The following DAB1 variants were observed in gnomAD, a reference collection of about 807,000 sequenced individuals.
DAB1 encodes DAB adaptor protein 1.
DAB1 carries 15 observed loss-of-function variants against 64.6 expected under a neutral mutation model. The ratio of observed to expected loss-of-function variants is 0.23; its 90% confidence interval spans 0.16 to 0.36. The LOEUF (loss-of-function observed/expected upper bound fraction) is 0.36. DAB1 is among the 10% of genes least tolerant of loss of function. The probability of loss-of-function intolerance (pLI) is 1.00; values close to 1 mark genes in which losing one functional copy is unlikely to be tolerated. For synonymous variants in DAB1, 235 were observed against 251.9 expected, an observed-to-expected ratio of 0.93 and a Z score of 0.64; for missense variants, 596 against 706.7, an observed-to-expected ratio of 0.84 and a Z score of 1.78.
chr1:57,686,940 A>G (rs1353798407), intron 6 of DAB1, among the ~76,000 whole-genome samples: 2 of 152,196 alleles, frequency 1.3e-5, no homozygotes, highest in African/African-American at 4.8e-5. Context: ...CCAACATCAC[A>G]TTGAACAGGC....
intron 6 of DAB1, among the ~76,000 whole-genome samples, chr1:57,772,703 A>G (rs1453553992): frequency 1.3e-5 from 2 of 151,964 alleles, no homozygotes; most frequent in Non-Finnish European, 2.9e-5. Context: ...ATTTTTTTTT[A>G]AGCCTTGCCA....
intron 6 of DAB1, among the ~76,000 whole-genome samples, chr1:57,696,863 G>T (rs1328154990): frequency 2.0e-5 from 3 of 151,998 alleles, no homozygotes; most frequent in African/African-American, 7.3e-5. Flanking sequence ...CTAATTATCT[G>T]GCTAATTTAT....
chr1:57,211,257 A>G (rs1203401987), intron 2 of DAB1, among the ~76,000 whole-genome samples: 1 of 152,194 alleles, frequency 6.6e-6, no homozygotes, highest in East Asian at 1.9e-4. Flanking sequence ...TGGAGGAAAC[A>G]GCTGTAGCCT....
intron 4 of DAB1, among the ~76,000 whole-genome samples, chr1:58,322,778 G>A (rs528270823): frequency 2.0e-5 from 3 of 152,268 alleles, no homozygotes; most frequent in Admixed American, 6.5e-5. Context: ...CTATTGTAAA[G>A]ACACATGTAC....
chr1:58,483,723 A>G (rs1645527560), intron 3 of DAB1, among the ~76,000 whole-genome samples: 1 of 152,192 alleles, frequency 6.6e-6, no homozygotes, highest in Admixed American at 6.5e-5. Flanking sequence ...CCAAACTGGG[A>G]TACCTTTGAG....
At chr1:57,339,322 A>AT (rs1287006327) in intron 1 of DAB1, among the ~76,000 whole-genome samples, 2 of 151,786 alleles carry the variant, frequency 1.3e-5, no homozygotes, top group East Asian at 1.9e-4. Context: ...AGCCCAGCTA[A>AT]TTTTTTTGTA....
At chr1:57,235,003 A>G (rs559598373) in intron 2 of DAB1, among the ~76,000 whole-genome samples, 1 of 152,338 alleles carries the variant, frequency 6.6e-6, no homozygotes, top group Admixed American at 6.5e-5. Context: ...ACGTGATTAG[A>G]TTAAGACCAC....
At chr1:58,012,491 TA>T (rs59462839) in intron 5 of DAB1, among the ~76,000 whole-genome samples, 11 of 151,642 alleles carry the variant, frequency 7.3e-5, no homozygotes, top group South Asian at 2.1e-4. Flanking sequence ...GTATAATAAT[TA>T]AAAAAAAATT....
intron 6 of DAB1, among the ~76,000 whole-genome samples, chr1:57,731,815 T>TAA (rs930142715): frequency 8.3e-5 from 12 of 144,418 alleles, no homozygotes; most frequent in African/African-American, 2.9e-4. Flanking sequence ...AAAAAAAAAA[T>TAA]AATAATAATA....
At chr1:57,598,280 C>T (rs1016125431) in intron 7 of DAB1, among the ~76,000 whole-genome samples, 1 of 152,278 alleles carries the variant, frequency 6.6e-6, no homozygotes, top group African/African-American at 2.4e-5. Flanking sequence ...CGGCGCCCAG[C>T]CGGTATCCAC....
intron 5 of DAB1, among the ~76,000 whole-genome samples, chr1:57,928,969 G>C (rs1202779): frequency 6.6e-6 from 1 of 151,992 alleles, no homozygotes; most frequent in African/African-American, 2.4e-5. Context: ...GCACAATTGC[G>C]GGGTCAAATG....
At chr1:57,359,051 T>G (rs765972649) in intron 1 of DAB1, among the ~76,000 whole-genome samples, 23 of 152,028 alleles carry the variant, frequency 1.5e-4, no homozygotes, top group Non-Finnish European at 2.9e-4. Flanking sequence ...CAAGGACTTT[T>G]TGGATAAGAT....
At position 57,678,819 on chromosome 1, in the gene DAB1, T is replaced by C. The variant is rs1166193422; in HGVS notation, n.552-29154A>G. On this transcript the variant is annotated intron_variant and non_coding_transcript_variant, in intron 6 of 20. Coordinates refer to the DAB1 transcript ENST00000485760. ...TCTTGCTCTGTCACCCAGGCTGGAGTACAGTGAAGAGATCTTGGCTCACTG... is the reference window on the plus strand; with the variant it reads ...TCTTGCTCTGTCACCCAGGCTGGAGCACAGTGAAGAGATCTTGGCTCACTG... 4.2e-5 allele frequency among the ~76,000 whole-genome samples: 6 copies of C among 143,776 alleles called. No individual in the cohort carries two copies. The South Asian group carries it at 7.0e-4, about 17-fold the overall frequency. 94.3% of individuals were successfully genotyped at this position (143,776 alleles called of 152,430 possible). A position where few individuals can be genotyped will look rare whatever the true frequency, so the allele number is the denominator to read the frequency against.
At chr1:58,085,958 C>CTCTTTTTT (rs1289919186) in intron 5 of DAB1, among the ~76,000 whole-genome samples, 1 of 98,722 alleles carries the variant, frequency 1.0e-5, no homozygotes, top group African/African-American at 4.5e-5. Context: ...ATCTCTCTCT[C>CTCTTTTTT]TTTTTTTTTT....
chr1:57,782,019 A>T (rs561163952), intron 6 of DAB1, among the ~76,000 whole-genome samples: 1 of 152,308 alleles, frequency 6.6e-6, no homozygotes, highest in African/African-American at 2.4e-5. Context: ...AATTCTACAC[A>T]CGGCAAAGCA....
At chr1:57,784,225 T>C (rs1650236384) in intron 6 of DAB1, among the ~76,000 whole-genome samples, 1 of 152,194 alleles carries the variant, frequency 6.6e-6, no homozygotes, top group Non-Finnish European at 1.5e-5. Flanking sequence ...CAAGACCGTT[T>C]CTACAAAAGA....
chr1:57,686,151 G>A (rs886650105), intron 6 of DAB1, among the ~76,000 whole-genome samples: 2 of 152,036 alleles, frequency 1.3e-5, no homozygotes, highest in African/African-American at 2.4e-5. Flanking sequence ...GATTGCTAGA[G>A]CACTAGCTAG....
chr1:57,585,110 G>T (rs1457165996), intron 7 of DAB1, among the ~76,000 whole-genome samples: 1 of 151,972 alleles, frequency 6.6e-6, no homozygotes, highest in Non-Finnish European at 1.5e-5. Flanking sequence ...TTAGCTGGAT[G>T]TGGTGGTGGG....
At chr1:57,702,675 G>T (rs1014128615) in intron 6 of DAB1, among the ~76,000 whole-genome samples, 12 of 152,170 alleles carry the variant, frequency 7.9e-5, no homozygotes, top group Admixed American at 7.9e-4. Context: ...AGCAGTACTT[G>T]CCATTTGGAA....
Sources: gnomAD v4.1 joint callset for allele counts (sites outside exome capture counted in the v4.1 genomes callset) on GRCh38, gnomAD v4.1.1 for gene constraint, MANE v1.5 for transcripts, NCBI Gene and HGNC (gene_info 2026-07-23, HGNC 2026-07-21) for gene names.